The following MIGA1 variants were observed in gnomAD, a reference collection of about 807,000 sequenced individuals.
MIGA1 encodes family with sequence similarity 73, member A.
Under a neutral mutation model 82.0 loss-of-function variants are expected in MIGA1, and 58 were observed. The ratio of observed to expected loss-of-function variants is 0.71; its 90% confidence interval spans 0.57 to 0.88. The LOEUF is 0.88. Ranked by LOEUF, MIGA1 falls within the 40% of genes least tolerant of loss-of-function variation. The pLI is 0.00. For missense variants in MIGA1, 751 were observed against 749.1 expected, an observed-to-expected ratio of 1.00 and a Z score of -0.03; for synonymous variants, 249 against 253.6, an observed-to-expected ratio of 0.98 and a Z score of 0.17.
intron 14 of MIGA1, 50 bp from the exon 15 acceptor site, chr1:77,872,954 C>G: frequency 6.2e-7 from 1 of 1,607,510 alleles, no homozygotes; most frequent in Middle Eastern, 1.7e-4. Context: ...CTAGAGAAAG[C>G]AAGTAACAAG....
intron 2 of MIGA1, among the ~76,000 whole-genome samples, chr1:77,791,256 A>AC (rs1246010811): frequency 1.3e-5 from 2 of 149,086 alleles, no homozygotes; most frequent in African/African-American, 4.9e-5. Context: ...AAAAAAAAAA[A>AC]AAAAAAAAAC....
At chr1:77,841,807 CTTTTTTTTTTT>C (rs1210356807) in intron 7 of MIGA1, among the ~76,000 whole-genome samples, 2 of 142,800 alleles carry the variant, frequency 1.4e-5, no homozygotes, top group Non-Finnish European at 3.1e-5. Context: ...TTTTTTCTTT[CTTTTTTTTTTT>C]GACAAGGTCT....
rs1427004876 is a variant in MIGA1, at chr1:77,878,065, G to T, written c.*3001G>T. ...TTTAAAGGAAATGTCCTCTTGAAAA[G>T]AACATTTCTGACTGCATGCAGAAGG... On this transcript the variant is annotated 3_prime_UTR_variant, in exon 16 of 16. Coordinates refer to ENST00000370791, the MANE Select transcript of MIGA1 (RefSeq NM_198549.4). 6.6e-6 allele frequency: 1 copy of T among 152,132 alleles called. No homozygotes were observed. The highest frequency in any genetic ancestry group is 1.5e-5 in the Non-Finnish European group (1 of 68,008). 9.4% of individuals were successfully genotyped at this position (152,132 alleles called of 1,614,324 possible).
chr1:77,874,245 G>C (rs1181132967), intron 15 of MIGA1, among the ~76,000 whole-genome samples: 1 of 152,002 alleles, frequency 6.6e-6, no homozygotes, highest in Non-Finnish European at 1.5e-5. Flanking sequence ...GTGAGTTTCA[G>C]TGTATATAAT....
At chr1:77,811,757 G>A in intron 5 of MIGA1, 1 of 1,604,350 alleles carries the variant, frequency 6.2e-7, no homozygotes, top group African/African-American at 1.3e-5. Flanking sequence ...CAGCGCTGCA[G>A]CAGACTCCGG....
At chr1:77,806,088 A>T (rs1202762583) in intron 4 of MIGA1, among the ~76,000 whole-genome samples, 1 of 152,178 alleles carries the variant, frequency 6.6e-6, no homozygotes, top group Non-Finnish European at 1.5e-5. Context: ...AGAACATTCA[A>T]ATACCACCCT....
At chr1:77,848,387 G>A (rs377288367) in intron 8 of MIGA1, 2 of 1,010,530 alleles carry the variant, frequency 2.0e-6, no homozygotes. Context: ...CAAAGGAAGA[G>A]CGTATGAAAG....
intron 4 of MIGA1, among the ~76,000 whole-genome samples, chr1:77,805,870 C>T (rs1336065672): frequency 6.6e-6 from 1 of 152,078 alleles, no homozygotes; most frequent in East Asian, 1.9e-4. Context: ...CTGAGAAGTG[C>T]CTCTTCTGAA....
chr1:77,809,107 A>AAAC (rs202191692), intron 5 of MIGA1, among the ~76,000 whole-genome samples: 5,366 of 151,570 alleles, frequency 0.035, 113 homozygotes, highest in East Asian at 0.11. Flanking sequence ...CGTTTTCTTA[A>AAAC]AACAACAACA....
chr1:77,847,651 A>G (rs1570991569), intron 8 of MIGA1: 1 of 1,567,150 alleles, frequency 6.4e-7, no homozygotes, highest in Non-Finnish European at 8.8e-7. Flanking sequence ...GCGTGTTTGG[A>G]TGTAACCAAG....
intron 7 of MIGA1, among the ~76,000 whole-genome samples, chr1:77,838,525 G>T (rs1271999996): frequency 1.3e-5 from 2 of 152,070 alleles, no homozygotes; most frequent in Non-Finnish European, 1.5e-5. Flanking sequence ...TCAGCTCACT[G>T]CAGCCTCCAC....
intron 1 of MIGA1, chr1:77,782,953 T>A: frequency 1.2e-6 from 1 of 836,710 alleles, no homozygotes; most frequent in Non-Finnish European, 1.4e-6. Context: ...AATCTAGAAC[T>A]CGCAATTTCC....
At chr1:77,793,607 G>A (rs1383793007) in intron 2 of MIGA1, among the ~76,000 whole-genome samples, 1 of 150,608 alleles carries the variant, frequency 6.6e-6, no homozygotes, top group Non-Finnish European at 1.5e-5. Context: ...CTACAGGCAT[G>A]CGCCACCATG....
At chr1:77,867,177 C>G (rs967651390) in intron 14 of MIGA1, among the ~76,000 whole-genome samples, 1 of 152,124 alleles carries the variant, frequency 6.6e-6, no homozygotes, top group African/African-American at 2.4e-5. Context: ...TCATACACTC[C>G]TAGTAGTAAA....
intron 7 of MIGA1, among the ~76,000 whole-genome samples, chr1:77,817,512 G>A (rs1570954790): frequency 6.6e-6 from 1 of 152,192 alleles, no homozygotes; most frequent in African/African-American, 2.4e-5. Context: ...TAGCCGTCCA[G>A]TTCGTTGGCC....
intron 14 of MIGA1, among the ~76,000 whole-genome samples, chr1:77,871,811 C>A (rs988357761): frequency 7.2e-5 from 11 of 151,998 alleles, no homozygotes; most frequent in Non-Finnish European, 1.3e-4. Flanking sequence ...TTAGCTTAAT[C>A]ATTTTACTAG....
chr1:77,869,897 G>C lies in MIGA1; in HGVS notation c.1564-3107G>C, dbSNP rs1364406444. On this transcript the variant is annotated intron_variant, in intron 14 of 15. Coordinates refer to ENST00000370791, the MANE Select transcript of MIGA1 (RefSeq NM_198549.4). ...CCCCACCTCCCTCCCGGACGGGGCG[G>C]CTGGCCGGGCGGGGGGCTGACCCCG... is the stretch of plus-strand genomic sequence containing the variant. 7.6e-4 allele frequency among the ~76,000 whole-genome samples: 96 copies of C among 126,848 alleles called. No individual in the cohort carries two copies. In the East Asian group the frequency reaches 0.024, roughly 31 times the overall value. The allele number at this position is 126,848 out of a possible 152,430, so 83.2% of individuals were successfully genotyped here.
At chr1:77,787,641 C>T (rs111868708) in intron 2 of MIGA1, among the ~76,000 whole-genome samples, 7 of 152,098 alleles carry the variant, frequency 4.6e-5, no homozygotes, top group African/African-American at 1.7e-4. Flanking sequence ...TGCCCGCCTC[C>T]GCCTCCCAAA....
At chr1:77,828,438 A>G (rs776884431) in intron 7 of MIGA1, among the ~76,000 whole-genome samples, 22 of 152,172 alleles carry the variant, frequency 1.4e-4, no homozygotes, top group South Asian at 8.3e-4. Flanking sequence ...TATCTGAATG[A>G]TAGATATTTG....
Sources: gnomAD v4.1 joint callset for allele counts (sites outside exome capture counted in the v4.1 genomes callset) on GRCh38, gnomAD v4.1.1 for gene constraint, MANE v1.5 for transcripts, NCBI Gene and HGNC (gene_info 2026-07-23, HGNC 2026-07-21) for gene names.